The following AHRR variants were observed in gnomAD, a reference collection of about 807,000 sequenced individuals.
The protein encoded by AHRR is ahR repressor.
Under a neutral mutation model 44.0 loss-of-function variants are expected in AHRR, and 28 were observed. The ratio of observed to expected loss-of-function variants is 0.64; its 90% CI spans 0.47 to 0.87. The LOEUF is 0.87. Ranked by LOEUF, AHRR falls within the 40% of genes least tolerant of loss-of-function variation. The pLI, the probability that AHRR is intolerant of heterozygous loss-of-function variation, is 0.00. For missense variants in AHRR, 990 were observed against 953.9 expected, an observed-to-expected ratio of 1.04 and a Z score of -0.50; for synonymous variants, 434 against 407.0, an observed-to-expected ratio of 1.07 and a Z score of -0.80.
At chr5:413,271 C>A in intron 4 of AHRR, 73 bp from the exon 5 acceptor site, 1 of 1,105,314 alleles carries the variant, frequency 9.0e-7, no homozygotes, top group Non-Finnish European at 1.3e-6. Flanking sequence ...AAAATTTAAG[C>A]AAAGGATTCT....
At chr5:384,950 C>G (rs1251386055) in intron 4 of AHRR, among the ~76,000 whole-genome samples, 1 of 151,568 alleles carries the variant, frequency 6.6e-6, no homozygotes, top group Non-Finnish European at 1.5e-5. Context: ...TCAAGATCAG[C>G]CTGGCCAACA....
At chr5:382,884 T>C (rs1224300289) in intron 4 of AHRR, among the ~76,000 whole-genome samples, 1 of 152,190 alleles carries the variant, frequency 6.6e-6, no homozygotes, top group Non-Finnish European at 1.5e-5. Context: ...TAACCATTCT[T>C]ACTCTGTAAT....
chr5:417,453 T>C (rs1735879905), intron 5 of AHRR, among the ~76,000 whole-genome samples: 1 of 152,216 alleles, frequency 6.6e-6, no homozygotes, highest in Non-Finnish European at 1.5e-5. Context: ...GCTTGGTCTG[T>C]ATGTGCAGGG....
intron 1 of AHRR, among the ~76,000 whole-genome samples, chr5:323,182 C>A (rs1300692905): frequency 6.6e-6 from 1 of 152,240 alleles, no homozygotes; most frequent in Non-Finnish European, 1.5e-5. Flanking sequence ...GCAGCTTCGA[C>A]CTGTGTCCCA....
At chr5:364,582 T>TA (rs533629696) in intron 3 of AHRR, among the ~76,000 whole-genome samples, 25 of 149,502 alleles carry the variant, frequency 1.7e-4, no homozygotes, top group African/African-American at 5.9e-4. Flanking sequence ...AATGAGAAAA[T>TA]ATAATCAATC....
intron 3 of AHRR, among the ~76,000 whole-genome samples, chr5:374,010 G>C (rs1321637746): frequency 2.0e-5 from 3 of 152,042 alleles, no homozygotes; most frequent in Non-Finnish European, 4.4e-5. Context: ...CGCGCTTCTC[G>C]GGGAAAAGGC....
rs59105059 is a variant in AHRR, at chr5:338,406, C to T, written c.-10-5487C>T. Among the ~76,000 whole-genome samples the T allele has an allele frequency of 0.1, 15,308 of 152,152 alleles. 2,481 individuals carry two copies. The highest frequency in any genetic ancestry group is 0.34 in the African/African-American group (14,163 of 41,442). Reference sequence around the variant, plus strand: ...CACCTTCACTTGTGAATGATGTTTTCATAAGATGTAGAATTCTAGGTTTCA... The same window carrying T: ...CACCTTCACTTGTGAATGATGTTTTTATAAGATGTAGAATTCTAGGTTTCA... On this transcript the variant is annotated intron_variant, in intron 1 of 10. Coordinates refer to ENST00000684583, the MANE Select transcript of AHRR (RefSeq NM_001377236.1). The surrounding 1 kb of genome is among the most constrained non-coding windows in gnomAD (Gnocchi z 4.1).
rs1010059349 is a variant in AHRR at position 388,938 on chromosome 5, C to T, written c.351+12222C>T. On this transcript the variant is annotated intron_variant, in intron 4 of 10. Transcript: ENST00000684583. This position sits in a 1 kb window ranked among gnomAD's most constrained non-coding sequence, Gnocchi z 5.2. ...CCTCGCACAGGAGAGAAGATGGAGC[C>T]GAGTGAGGACCCAAGAGCAAAGGGC... 1.3e-5 allele frequency among the ~76,000 whole-genome samples: 2 copies of T among 152,070 alleles called. No individual in the cohort carries two copies. The highest frequency in any genetic ancestry group is 4.8e-5 in the African/African-American group (2 of 41,408).
chr5:422,384 C>T (rs1035292104), intron 5 of AHRR: 5 of 354,816 alleles, frequency 1.4e-5, no homozygotes, highest in Non-Finnish European at 2.2e-5. Context: ...GATGGGAAAC[C>T]GAGTCACAAA....
At chr5:355,879 GA>G (rs1743022250) in intron 3 of AHRR, among the ~76,000 whole-genome samples, 1 of 152,228 alleles carries the variant, frequency 6.6e-6, no homozygotes, top group African/African-American at 2.4e-5. Flanking sequence ...TTCTACCAAG[GA>G]TTGTGAATTT....
At chr5:367,517 C>T (rs545490889) in intron 3 of AHRR, among the ~76,000 whole-genome samples, 21 of 152,308 alleles carry the variant, frequency 1.4e-4, no homozygotes, top group African/African-American at 4.8e-4. Context: ...CCGTGGGGAC[C>T]GGATGAGCCA....
In AHRR at chr5:338,899, C is replaced by T. The variant is rs1913574; in HGVS notation, c.-10-4994C>T. 0.098 allele frequency among the ~76,000 whole-genome samples: 14,943 copies of T among 152,118 alleles called. 2,370 individuals carry two copies. Among genetic ancestry groups the T allele is most frequent in the African/African-American group, 0.33 (13,823 of 41,434 alleles). On this transcript the variant is annotated intron_variant, in intron 1 of 10. Transcript: ENST00000684583. The surrounding 1 kb of genome is among the most constrained non-coding windows in gnomAD (Gnocchi z 4.1). Reference sequence around the variant, plus strand: ...CCTATTCATTAGGGGTCCAGTTACACATATATTAGGTCTCTTGAAATACCT... The same window carrying T: ...CCTATTCATTAGGGGTCCAGTTACATATATATTAGGTCTCTTGAAATACCT...
intron 4 of AHRR, among the ~76,000 whole-genome samples, chr5:409,454 C>T (rs1156645264): frequency 1.3e-5 from 2 of 152,226 alleles, no homozygotes; most frequent in Non-Finnish European, 2.9e-5. Context: ...ACCAATCACA[C>T]TCTCTTCCTC....
At position 405,804 on chromosome 5, in the gene AHRR, C is replaced by T. The variant is rs1735230707; in HGVS notation, c.352-7540C>T. On this transcript the variant is annotated intron_variant, in intron 4 of 10. Transcript: ENST00000684583. This position sits in a 1 kb window ranked among gnomAD's most constrained non-coding sequence, Gnocchi z 4.5. ...GTGTTTCTTTTATATTTTCACGGCA[C>T]GTGTGACTTTTCTTTTTGGATACTT... Among the ~76,000 whole-genome samples, 3 of 152,364 alleles carry T rather than the reference C, an allele frequency of 2.0e-5. No homozygotes were observed. In the Middle Eastern group the frequency reaches 0.01, roughly 518 times the overall value.
At chr5:427,747 G>C in intron 7 of AHRR, 60 bp from the exon 8 acceptor site, 1 of 1,612,302 alleles carries the variant, frequency 6.2e-7, no homozygotes. Flanking sequence ...TCTGTGTCCT[G>C]TGACCACCTT....
chr5:370,306 C>T lies in AHRR; in HGVS notation c.245-6304C>T, dbSNP rs375862625. On this transcript the variant is annotated intron_variant, in intron 3 of 10. Transcript: ENST00000684583. The surrounding 1 kb of genome is among the most constrained non-coding windows in gnomAD (Gnocchi z 4.5). ...CTCTGCTCATTTACTCCCCGTGTTA[C>T]GGTTGTGCAGCATTTCCTGGATCCA... Among the ~76,000 whole-genome samples, 8 of 152,158 alleles carry T rather than the reference C, an allele frequency of 5.3e-5. No homozygotes were observed. The East Asian group carries it at 7.7e-4, about 15-fold the overall frequency.
chr5:417,635 G>A (rs572972060), intron 5 of AHRR, among the ~76,000 whole-genome samples: 5 of 152,322 alleles, frequency 3.3e-5, no homozygotes, highest in Non-Finnish European at 5.9e-5. Flanking sequence ...ACTGGGGCAG[G>A]TGCTGTGCAG....
chr5:323,700 C>T (rs1741588638), intron 1 of AHRR, among the ~76,000 whole-genome samples: 2 of 152,298 alleles, frequency 1.3e-5, no homozygotes, highest in South Asian at 2.1e-4. Flanking sequence ...GGGGAGGCAG[C>T]TGTGGTTCCA....
chr5:403,206 G>T (rs1477430058), intron 4 of AHRR, among the ~76,000 whole-genome samples: 1 of 152,202 alleles, frequency 6.6e-6, no homozygotes, highest in Non-Finnish European at 1.5e-5. Flanking sequence ...CCGGGCTGAG[G>T]AGGGGAGTGG....
Sources: gnomAD v4.1 joint callset for allele counts (sites outside exome capture counted in the v4.1 genomes callset) on GRCh38, gnomAD v4.1.1 for gene constraint, Gnocchi (gnomAD v3.1) non-coding constraint, MANE v1.5 for transcripts, NCBI Gene and HGNC (gene_info 2026-07-23, HGNC 2026-07-21) for gene names.